NXN: variants seen among roughly 807,000 people sequenced by gnomAD.
The protein encoded by NXN is nucleoredoxin.
NXN carries 16 observed loss-of-function variants against 48.6 expected under a neutral mutation model. The observed-to-expected ratio is 0.33, with a 90% CI of 0.22 to 0.50. The LOEUF is 0.50. Among genes scored for constraint, NXN ranks in the 20% least tolerant of loss-of-function variants. NXN has a pLI of 0.98. For missense variants in NXN, 492 were observed against 605.5 expected (o/e 0.81, Z 1.97); for synonymous variants, 281 against 269.6 (o/e 1.04, Z -0.41).
intron 1 of NXN, chr17:863,892 G>A: frequency 7.6e-7 from 1 of 1,321,250 alleles, no homozygotes; most frequent in Non-Finnish European, 1.1e-6. Flanking sequence ...CTTACACAGA[G>A]CTCTGTAGAG....
At chr17:902,063 G>A (rs2068542595) in intron 1 of NXN, among the ~76,000 whole-genome samples, 1 of 152,122 alleles carries the variant, frequency 6.6e-6, no homozygotes, top group East Asian at 1.9e-4. Flanking sequence ...ACAGCCACAC[G>A]GTCCAGGGTT....
At chr17:975,064 A>ATC (rs1157376161) in intron 1 of NXN, among the ~76,000 whole-genome samples, 3 of 151,970 alleles carry the variant, frequency 2.0e-5, no homozygotes, top group African/African-American at 7.3e-5. Flanking sequence ...GGCTCAAGTG[A>ATC]TCCCCCCACC....
intron 5 of NXN, among the ~76,000 whole-genome samples, chr17:816,900 T>C (rs1172051698): frequency 6.6e-6 from 1 of 152,182 alleles, no homozygotes; most frequent in Non-Finnish European, 1.5e-5. Context: ...ACACAGCTCC[T>C]ACCCCCAGGC....
In NXN at chr17:812,767, AGT is replaced by A. The variant is rs539741998; in HGVS notation, c.820+6670_820+6671del. On this transcript the variant is annotated intron_variant, in intron 5 of 7. Coordinates refer to ENST00000336868, the MANE Select transcript of NXN (RefSeq NM_022463.5). ...GTGAGTGAGAGTGTGCATATGTGTGAGTGTAGGTGTGTGCATGTGTGTAGGTG... is the reference window on the plus strand; with the variant it reads ...GTGAGTGAGAGTGTGCATATGTGTGAGTAGGTGTGTGCATGTGTGTAGGTG... 7.7e-3 allele frequency among the ~76,000 whole-genome samples: 1,036 copies of A among 134,456 alleles called. 12 individuals are homozygous for A. The highest frequency in any genetic ancestry group is 0.025 in the African/African-American group (888 of 34,952). The allele number at this position is 134,456 out of a possible 152,430, so 88.2% of individuals were successfully genotyped here.
intron 1 of NXN, among the ~76,000 whole-genome samples, chr17:967,709 CAACT>C (rs1208261378): frequency 6.6e-6 from 1 of 152,142 alleles, no homozygotes; most frequent in Non-Finnish European, 1.5e-5. Context: ...TCAAACAAAC[CAACT>C]GTCATCCCAG....
intron 1 of NXN, among the ~76,000 whole-genome samples, chr17:903,731 C>G (rs1322427572): frequency 6.6e-6 from 1 of 152,166 alleles, no homozygotes; most frequent in East Asian, 1.9e-4. Context: ...CCACGACAAC[C>G]CTTTGAGGTA....
intron 1 of NXN, among the ~76,000 whole-genome samples, chr17:886,078 C>T (rs1203180718): frequency 6.6e-6 from 1 of 151,990 alleles, no homozygotes; most frequent in Non-Finnish European, 1.5e-5. Flanking sequence ...ACAAAAGGCA[C>T]AAAGAGGCTG....
chr17:896,856 C>CCGGGGGGGGGGGGGGGGGG, intron 1 of NXN: 1 of 1,156,930 alleles, frequency 8.6e-7, no homozygotes, highest in Non-Finnish European at 1.1e-6. Flanking sequence ...CGGTCCTGAC[C>CCGGGGGGGGGGGGGGGGGG]ACCCGCCCCC....
intron 5 of NXN, among the ~76,000 whole-genome samples, chr17:809,106 G>C (rs149584682): frequency 1.3e-5 from 2 of 152,326 alleles, no homozygotes; most frequent in Admixed American, 1.3e-4. Context: ...GTTAGCTAAA[G>C]AAGCAGAAAG....
chr17:818,396 C>T (rs1234136169), intron 5 of NXN, among the ~76,000 whole-genome samples: 2 of 151,990 alleles, frequency 1.3e-5, no homozygotes, highest in Admixed American at 6.6e-5. Flanking sequence ...TCTTTACATA[C>T]TTTACTTATT....
At chr17:912,557 G>A (rs2068646526) in intron 1 of NXN, among the ~76,000 whole-genome samples, 1 of 151,954 alleles carries the variant, frequency 6.6e-6, no homozygotes, top group African/African-American at 2.4e-5. Flanking sequence ...TTCTTTAATT[G>A]CAAACAGAAC....
At chr17:915,719 G>A (rs2068681688) in intron 1 of NXN, among the ~76,000 whole-genome samples, 1 of 151,496 alleles carries the variant, frequency 6.6e-6, no homozygotes, top group Non-Finnish European at 1.5e-5. Flanking sequence ...AATAAACCAA[G>A]AAGGCAGAGA....
intron 1 of NXN, chr17:842,692 C>T (rs1221279066): frequency 2.8e-6 from 1 of 360,682 alleles, no homozygotes; most frequent in Non-Finnish European, 3.9e-6. Context: ...AATCCCAGCA[C>T]TTTGGGAGGC....
At chr17:870,613 G>A (rs926070490) in intron 1 of NXN, among the ~76,000 whole-genome samples, 4 of 152,068 alleles carry the variant, frequency 2.6e-5, no homozygotes, top group Non-Finnish European at 5.9e-5. Flanking sequence ...TAATTAGCCA[G>A]GTGTGGTGTC....
chr17:959,213 G>C (rs2069206792), intron 1 of NXN: 2 of 1,036,494 alleles, frequency 1.9e-6, no homozygotes, highest in South Asian at 2.2e-5. Context: ...ACGTGTGTCA[G>C]CAGACAGGCC....
Position 800,891 on chromosome 17 carries a change from G to A in NXN, c.*58C>T, listed in dbSNP as rs1485959723. 4.8e-6 allele frequency: 6 copies of A among 1,242,238 alleles called. No homozygotes were observed. The African/African-American group carries it at 9.3e-5, about 19-fold the overall frequency. The allele number at this position is 1,242,238 out of a possible 1,614,324, so 77.0% of individuals were successfully genotyped here. ...TGGGTAAGTCCAAGGGCGGAAGGAA[G>A]GAGGGGGAGGAGGAGAAGGCTGAGT... On this transcript the variant is annotated 3_prime_UTR_variant, in exon 8 of 8. Coordinates refer to ENST00000336868, the MANE Select transcript of NXN (RefSeq NM_022463.5).
At chr17:959,149 G>GC in intron 1 of NXN, 1 of 552,702 alleles carries the variant, frequency 1.8e-6, no homozygotes, top group Non-Finnish European at 2.8e-6. Context: ...AGAGCCGAGC[G>GC]CCCCTACGGA....
At chr17:966,630 AG>A (rs905243620) in intron 1 of NXN, among the ~76,000 whole-genome samples, 2 of 151,696 alleles carry the variant, frequency 1.3e-5, no homozygotes, top group African/African-American at 4.8e-5. Flanking sequence ...TACAGACATG[AG>A]CCACCACGCC....
intron 5 of NXN, among the ~76,000 whole-genome samples, chr17:806,425 C>T (rs1443407950): frequency 6.6e-6 from 1 of 152,106 alleles, no homozygotes; most frequent in Non-Finnish European, 1.5e-5. Context: ...CAGAGAAAGC[C>T]CCACTCTGGT....
Sources: allele counts gnomAD v4.1 joint callset (sites outside exome capture counted in the v4.1 genomes callset), GRCh38; gene constraint gnomAD v4.1.1; transcripts MANE v1.5; gene names NCBI Gene and HGNC (gene_info 2026-07-23, HGNC 2026-07-21).